Variants in RAB37 observed in about 807,000 individuals in gnomAD.
RAB37 encodes RAB37, member RAS oncogene family.
In RAB37, 29 loss-of-function variants were observed where a neutral mutation model predicts 33.1. The ratio of observed to expected loss-of-function variants is 0.88; its 90% CI spans 0.65 to 1.20. The LOEUF (loss-of-function observed/expected upper bound fraction) is 1.20. Ranked by LOEUF, RAB37 falls within the 50% of genes most tolerant of loss-of-function variation. RAB37 has a pLI of 0.00. For missense variants in RAB37, 299 were observed against 301.1 expected, an observed-to-expected ratio of 0.99 and a Z score of 0.05; for synonymous variants, 128 against 119.5, an observed-to-expected ratio of 1.07 and a Z score of -0.47.
intron 1 of RAB37, among the ~76,000 whole-genome samples, chr17:74,715,410 C>G (rs1199303899): frequency 6.6e-6 from 1 of 152,152 alleles, no homozygotes; most frequent in Non-Finnish European, 1.5e-5. Flanking sequence ...GTCAAGAATC[C>G]GGGGTGAGGG....
rs766922851 is a variant in RAB37, at chr17:74,741,889, C to T, written c.205-365C>T. On this transcript the variant is annotated intron_variant, in intron 2 of 8. Transcript: ENST00000392613. ...GGCAAACACCCCATCTCCAGGGGCT[C>T]GGTCACAGTCCCAAGGCTAGGCTCC... Among the ~76,000 whole-genome samples, 5 of 152,200 alleles carry T rather than the reference C, an allele frequency of 3.3e-5. No homozygotes were observed. In the South Asian group the frequency reaches 1.0e-3, roughly 31 times the overall value.
rs545090315 is a variant in RAB37, at chr17:74,672,109, C to G, written c.72+451C>G. 3.3e-5 allele frequency among the ~76,000 whole-genome samples: 5 copies of G among 152,300 alleles called. No individual in the cohort carries two copies. In the South Asian group the frequency reaches 1.0e-3, roughly 32 times the overall value. On this transcript the variant is annotated intron_variant, in intron 1 of 7. Transcript: ENST00000340415. ...AACTGCTGTTTTCAAATCAGACTCC[C>G]TCATGGCTCCAGAAAGCTTCCCTCC... is the stretch of plus-strand genomic sequence containing the variant.
At chr17:74,719,612 G>T (rs2034211899) in intron 1 of RAB37, among the ~76,000 whole-genome samples, 1 of 151,912 alleles carries the variant, frequency 6.6e-6, no homozygotes, top group Non-Finnish European at 1.5e-5. Flanking sequence ...AAATCTCCTG[G>T]ACTCAAGTAA....
rs2034739677 is a variant in RAB37, at chr17:74,745,467, C to CCCTTATT, written c.*58_*59insTTATTCC. 1 of 1,426,240 alleles carries CCCTTATT rather than the reference C, an allele frequency of 7.0e-7. No individual in the cohort carries two copies. The highest frequency in any genetic ancestry group is 2.3e-5 in the East Asian group (1 of 43,922). The allele number at this position is 1,426,240 out of a possible 1,614,324, so 88.3% of individuals were successfully genotyped here. On this transcript the variant is annotated 3_prime_UTR_variant, in exon 9 of 9. Transcript: ENST00000392613. The surrounding 1 kb of genome is among the most constrained non-coding windows in gnomAD (Gnocchi z 4.5). ...GCACACAGGATGCAGCCTTCCCCCT[C>CCCTTATT]CCAGGCCTGGCTTATTCCAAGAGGC...
intron 1 of RAB37, among the ~76,000 whole-genome samples, chr17:74,690,531 C>A (rs980805320): frequency 5.9e-5 from 9 of 152,054 alleles, no homozygotes; most frequent in African/African-American, 2.2e-4. Flanking sequence ...TGATGGGGTG[C>A]GGGGATACGG....
chr17:74,686,804 G>A (rs769861338), intron 1 of RAB37, among the ~76,000 whole-genome samples: 37 of 152,310 alleles, frequency 2.4e-4, no homozygotes, highest in Non-Finnish European at 4.3e-4. Context: ...TCTCTGGGTC[G>A]CAGTCCTTCT....
At chr17:74,705,124 T>C (rs1017084722) in intron 1 of RAB37, 2 of 678,184 alleles carry the variant, frequency 2.9e-6, no homozygotes, top group African/African-American at 3.5e-5. Context: ...TTTCAAGGAA[T>C]GTCCTTTTGC....
chr17:74,682,387 C>T lies in RAB37; in HGVS notation c.72+10729C>T, dbSNP rs187490402. ...CTCCATTCACAGGCAGGCTTCTCCCCGTGGGGCCCCATTATTGACAGCAGC... is the reference window on the plus strand; with the variant it reads ...CTCCATTCACAGGCAGGCTTCTCCCTGTGGGGCCCCATTATTGACAGCAGC... On this transcript the variant is annotated intron_variant, in intron 1 of 7. Coordinates refer to the RAB37 transcript ENST00000340415. Among the ~76,000 whole-genome samples the T allele has an allele frequency of 9.2e-5, 14 of 152,210 alleles. No individual in the cohort carries two copies. The East Asian group carries it at 2.3e-3, about 25-fold the overall frequency.
chr17:74,677,074 C>G (rs2031850311), intron 1 of RAB37, among the ~76,000 whole-genome samples: 1 of 152,078 alleles, frequency 6.6e-6, no homozygotes, highest in African/African-American at 2.4e-5. Flanking sequence ...CGCTTGAACC[C>G]AGGAAGCAGA....
Position 74,730,322 on chromosome 17 carries a change from C to A in RAB37, c.183+956C>A, listed in dbSNP as rs149589851. Among the ~76,000 whole-genome samples, 237 of 152,282 alleles carry A rather than the reference C, an allele frequency of 1.6e-3. 1 individual carries two copies. The East Asian group carries it at 0.021, about 13-fold the overall frequency. On this transcript the variant is annotated intron_variant, in intron 2 of 7. Coordinates refer to the RAB37 transcript ENST00000340415. The surrounding 1 kb of genome is among the most constrained non-coding windows in gnomAD (Gnocchi z 4.4). ...TGTGAGATCACGCTCAGGGTCAGGA[C>A]GCAGCAGTGCCACACTGATGGGAAG...
chr17:74,705,681 A>G lies in RAB37; in HGVS notation c.73-23575A>G, dbSNP rs115990045. On this transcript the variant is annotated intron_variant, in intron 1 of 7. Coordinates refer to the RAB37 transcript ENST00000340415. ...TCAATCATGGCTCACTGAAGCCTTC[A>G]CCTCCCAGGCTTAATTGATCCTCCC... 4.5e-3 allele frequency among the ~76,000 whole-genome samples: 683 copies of G among 151,674 alleles called. 6 individuals are homozygous for G. The highest frequency in any genetic ancestry group is 0.016 in the African/African-American group (645 of 41,338).
At chr17:74,737,240 C>T, upstream of RAB37, 1 of 1,541,786 alleles carries the variant, frequency 6.5e-7, no homozygotes, top group East Asian at 2.4e-5. Flanking sequence ...CCTTCGCCTG[C>T]GGGCCGGCAC....
chr17:74,744,386 G>A lies in RAB37; in HGVS notation c.432+13G>A, dbSNP rs373998338. On this transcript the variant is annotated intron_variant, in intron 6 of 8. Coordinates refer to ENST00000392613, the MANE Select transcript of RAB37 (RefSeq NM_001006638.3). The surrounding 1 kb of genome is among the most constrained non-coding windows in gnomAD (Gnocchi z 4.2). ...GCTAGGCAACAAGGTGAGTGGCTCC[G>A]GGGCAGGGTCAGCCCAGCCCTGCAC... 2.8e-5 allele frequency: 45 copies of A among 1,613,772 alleles called. No homozygotes were observed. The Middle Eastern group carries it at 5.0e-4, about 18-fold the overall frequency.
At chr17:74,680,904 A>C (rs2031941604) in intron 1 of RAB37, among the ~76,000 whole-genome samples, 1 of 152,218 alleles carries the variant, frequency 6.6e-6, no homozygotes, top group African/African-American at 2.4e-5. Context: ...GAACCATGGA[A>C]GAGTAGAAAG....
rs746236671 is a variant in RAB37, at chr17:74,740,843, G to A, written c.169G>A (p.Gly57Arg). The A allele has an allele frequency of 1.8e-5, 29 of 1,613,864 alleles. No individual in the cohort carries two copies. Among genetic ancestry groups the A allele is most frequent in the East Asian group, 2.2e-5 (1 of 44,870 alleles). Residue 57 changes from glycine (G) to arginine (R), a missense_variant, in exon 2 of 9, where the codon GGA (glycine) becomes AGA (arginine). Physicochemically the swap from Gly to Arg is moderately radical, Grantham distance 125. Transcript: ENST00000392613. ...ATTCAAAGACGGGGCCTTCCTGTCC[G>A]GAACCTTCATAGCCACCGTCGGCAT... ...IQFKDGAFLS[G>R]TFIATVGIDF...
At chr17:74,713,039 G>C (rs1229004602) in intron 1 of RAB37, 2 of 643,832 alleles carry the variant, frequency 3.1e-6, no homozygotes, top group African/African-American at 1.8e-5. Flanking sequence ...GGGCACCGTG[G>C]CTCAGGCCTG....
chr17:74,696,311 G>A, intron 1 of RAB37: 1 of 1,342,946 alleles, frequency 7.4e-7, no homozygotes, highest in Non-Finnish European at 1.0e-6. Flanking sequence ...GAAGAAAAGA[G>A]GTGAATTGGG....
At position 74,742,660 on chromosome 17, in the gene RAB37, C is replaced by G. The variant is rs958256455; in HGVS notation, c.246+365C>G. Among the ~76,000 whole-genome samples the G allele has an allele frequency of 6.6e-6, 1 of 151,160 alleles. No individual in the cohort carries two copies. Among genetic ancestry groups the G allele is most frequent in the Non-Finnish European group, 1.5e-5 (1 of 67,860 alleles). On this transcript the variant is annotated intron_variant, in intron 3 of 8. Coordinates refer to ENST00000392613, the MANE Select transcript of RAB37 (RefSeq NM_001006638.3). This position sits in a 1 kb window ranked among gnomAD's most constrained non-coding sequence, Gnocchi z 4.0. ...TTTTTTTTTGAGATGGAGTCTCGCT[C>G]TGTCGCCCAGGCTGGAGTGCAGTGG...
intron 1 of RAB37, among the ~76,000 whole-genome samples, chr17:74,674,395 T>C (rs1479406753): frequency 6.6e-6 from 1 of 151,362 alleles, no homozygotes; most frequent in East Asian, 2.0e-4. Flanking sequence ...GAAATGATTT[T>C]TTAAATAGAC....
Sources: gnomAD v4.1 joint callset for allele counts (sites outside exome capture counted in the v4.1 genomes callset) on GRCh38, gnomAD v4.1.1 for gene constraint, Gnocchi (gnomAD v3.1) non-coding constraint, MANE v1.5 for transcripts, NCBI Gene and HGNC (gene_info 2026-07-23, HGNC 2026-07-21) for gene names.